The following RERE variants were observed in gnomAD, a reference collection of about 807,000 sequenced individuals.
RERE encodes arginine-glutamic acid dipeptide repeats protein.
RERE carries 40 observed loss-of-function variants against 146.1 expected under a neutral mutation model. The observed-to-expected ratio is 0.27, with a 90% confidence interval of 0.21 to 0.36. The LOEUF is 0.36. Ranked by LOEUF, RERE falls within the 10% of genes least tolerant of loss-of-function variation. RERE has a pLI of 1.00. For missense variants in RERE, 1,933 were observed against 2,138.7 expected (o/e 0.90, Z 1.90); for synonymous variants, 1,003 against 866.0 (o/e 1.16, Z -2.78).
chr1:8,619,968 G>A (rs1315575002), intron 3 of RERE, among the ~76,000 whole-genome samples: 3 of 152,166 alleles, frequency 2.0e-5, no homozygotes, highest in Non-Finnish European at 4.4e-5. Flanking sequence ...CCCTTTAGGT[G>A]CTGAGTTCCA....
Position 8,504,987 on chromosome 1 carries a change from G to A in RERE, c.879+3640C>T, listed in dbSNP as rs150511999. Among the ~76,000 whole-genome samples the A allele has an allele frequency of 3.0e-3, 453 of 152,278 alleles. 3 individuals carry two copies. The highest frequency in any genetic ancestry group is 0.01 in the African/African-American group (430 of 41,550). On this transcript the variant is annotated intron_variant, in intron 8 of 22. Transcript: ENST00000400908. ...CAGGGTACCAAACTAGAATGAGGCC[G>A]AACCTCTAGATTTAACTACTAATTC...
intron 2 of RERE, among the ~76,000 whole-genome samples, chr1:8,648,728 A>G (rs1005548183): frequency 1.3e-5 from 2 of 152,186 alleles, no homozygotes; most frequent in African/African-American, 2.4e-5. Context: ...ATTGTCAAAT[A>G]AAATGGTCAA....
intron 11 of RERE, among the ~76,000 whole-genome samples, chr1:8,463,660 A>G (rs1427480234): frequency 6.6e-6 from 1 of 152,064 alleles, no homozygotes; most frequent in Non-Finnish European, 1.5e-5. Flanking sequence ...GAGAGAGGAG[A>G]GCCATGGCTA....
At chr1:8,527,267 G>T (rs1645581599) in intron 7 of RERE, among the ~76,000 whole-genome samples, 1 of 152,124 alleles carries the variant, frequency 6.6e-6, no homozygotes, top group South Asian at 2.1e-4. Context: ...TCTACAGGCT[G>T]GAAGAACATT....
intron 12 of RERE, among the ~76,000 whole-genome samples, chr1:8,411,475 AG>A (rs1253084954): frequency 6.6e-6 from 1 of 152,112 alleles, no homozygotes; most frequent in Non-Finnish European, 1.5e-5. Context: ...AATCCACCCC[AG>A]AGGACAGGAC....
At position 8,774,444 on chromosome 1, in the gene RERE, C is replaced by T. The variant is rs372190927; in HGVS notation, c.-145+42716G>A. ...TCTCGGCTCACCCCAACCTCCGCCT[C>T]CTGGGTTCAAGCGATTCTCCTGCCT... is the stretch of plus-strand genomic sequence containing the variant. On this transcript the variant is annotated intron_variant, in intron 1 of 22. Transcript: ENST00000400908. Among the ~76,000 whole-genome samples the T allele has an allele frequency of 5.0e-3, 755 of 150,486 alleles. 8 individuals carry two copies. The highest frequency in any genetic ancestry group is 0.029 in the South Asian group (137 of 4,780).
intron 8 of RERE, 130 bp from the exon 9 acceptor site, chr1:8,497,659 C>G (rs1449895883): frequency 4.3e-6 from 4 of 938,500 alleles, no homozygotes; most frequent in Non-Finnish European, 6.4e-6. Context: ...AGAAAAATAA[C>G]AACAAAACCA....
At chr1:8,663,262 T>G (rs371002502) in intron 1 of RERE, among the ~76,000 whole-genome samples, 2 of 152,208 alleles carry the variant, frequency 1.3e-5, no homozygotes, top group South Asian at 2.1e-4. Flanking sequence ...CAAGCTCTAC[T>G]CATCTCCATT....
chr1:8,442,696 C>CA (rs1644265730), intron 11 of RERE, among the ~76,000 whole-genome samples: 2 of 152,164 alleles, frequency 1.3e-5, no homozygotes, highest in African/African-American at 4.8e-5. Flanking sequence ...AATATGGAAG[C>CA]AGCTTTGCAA....
At chr1:8,434,624 G>T (rs1183480384) in intron 11 of RERE, 2 of 152,140 alleles carry the variant, frequency 1.3e-5, no homozygotes, top group Non-Finnish European at 2.9e-5. Flanking sequence ...TAACTGTCTT[G>T]ACCAACAGAA....
In RERE at chr1:8,361,082, G is replaced by T; in HGVS notation, c.2425C>A (p.Gln809Lys). Residue 809 changes from glutamine to lysine, a missense_variant, in exon 18 of 23, where the codon CAG (glutamine) becomes AAG (lysine). Around this residue, in one of 11 missense-constraint regions of RERE, gnomAD observed 1,255 missense variants for 1,153.8 expected, o/e 1.09. Transcript: ENST00000400908. The stretch of plus-strand genomic sequence containing the variant: ...GGGGGATGCGGTGAGGGCGGCCGCT[G>T]GGGGTGCAAGGCCGGTGCCTGTTGG... ...HIQQAPALHP[Q>K]RPPSPHPPPH... The T allele has an allele frequency of 3.5e-6, 5 of 1,439,708 alleles. No individual in the cohort carries two copies. Among genetic ancestry groups the T allele is most frequent in the Non-Finnish European group, 3.6e-6 (4 of 1,101,250 alleles). 89.2% of individuals were successfully genotyped at this position (1,439,708 alleles called of 1,614,324 possible). A position where few individuals can be genotyped will look rare whatever the true frequency, so the allele number is the denominator to read the frequency against.
chr1:8,810,867 T>C (rs1641792536), intron 1 of RERE, among the ~76,000 whole-genome samples: 1 of 152,080 alleles, frequency 6.6e-6, no homozygotes, highest in African/African-American at 2.4e-5. Context: ...AAGCCATAAA[T>C]ACAGTTCGGG....
intron 7 of RERE, among the ~76,000 whole-genome samples, chr1:8,522,750 G>A (rs563757438): frequency 1.5e-4 from 23 of 152,020 alleles, no homozygotes; most frequent in Admixed American, 2.6e-4. Flanking sequence ...GCAGATGCTT[G>A]CAATCCTAGC....
intron 1 of RERE, among the ~76,000 whole-genome samples, chr1:8,735,932 G>A (rs1473519684): frequency 2.0e-5 from 3 of 152,034 alleles, no homozygotes; most frequent in Admixed American, 2.0e-4. Context: ...AGTATTTATA[G>A]CAATGCAAGA....
At chr1:8,796,541 G>A (rs1212126389) in intron 1 of RERE, 4 of 150,386 alleles carry the variant, frequency 2.7e-5, no homozygotes, top group East Asian at 3.9e-4. Flanking sequence ...GATGTCAAGA[G>A]GGAAAAAGAG....
intron 1 of RERE, among the ~76,000 whole-genome samples, chr1:8,699,152 G>A (rs74050272): frequency 0.023 from 3,533 of 152,234 alleles, 128 homozygotes; most frequent in African/African-American, 0.079. Context: ...CATAATTAGT[G>A]CTCACTATGT....
At position 8,697,120 on chromosome 1, in the gene RERE, TAACCTATGTTAAGAATTATG is replaced by T. The variant is rs1413964704; in HGVS notation, c.-144-40699_-144-40680del. ...ATATTTCATTACTGAACATTTACTC[TAACCTATGTTAAGAATTATG>T]ATCTGTGGAAAGAGCACAGGCTAAG... On this transcript the variant is annotated intron_variant, in intron 1 of 22. Coordinates refer to ENST00000400908, the MANE Select transcript of RERE (RefSeq NM_001042681.2). Among the ~76,000 whole-genome samples the T allele has an allele frequency of 3.3e-5, 5 of 152,300 alleles. No homozygotes were observed. The East Asian group carries it at 9.7e-4, about 29-fold the overall frequency.
At chr1:8,781,878 T>C (rs1055998409) in intron 1 of RERE, among the ~76,000 whole-genome samples, 4 of 152,106 alleles carry the variant, frequency 2.6e-5, no homozygotes, top group Non-Finnish European at 4.4e-5. Flanking sequence ...ATGAAGTTAC[T>C]GCCTCATGGT....
chr1:8,676,302 CT>C (rs1638838902), intron 1 of RERE, among the ~76,000 whole-genome samples: 1 of 152,106 alleles, frequency 6.6e-6, no homozygotes, highest in African/African-American at 2.4e-5. Flanking sequence ...CAATATGTGC[CT>C]TATCTACTGA....
Sources: allele counts gnomAD v4.1 joint callset (sites outside exome capture counted in the v4.1 genomes callset), GRCh38; gene constraint gnomAD v4.1.1; regional missense constraint gnomAD v4.1.1; transcripts MANE v1.5; gene names NCBI Gene and HGNC (gene_info 2026-07-23, HGNC 2026-07-21).